The following LEKR1 variants were observed in gnomAD, a reference collection of about 807,000 sequenced individuals.
The protein encoded by LEKR1 is leucine, glutamate and lysine rich 1.
LEKR1 carries 59 observed loss-of-function variants against 72.4 expected under a neutral mutation model. The ratio of observed to expected loss-of-function variants is 0.82; its 90% CI spans 0.66 to 1.01. The LOEUF (loss-of-function observed/expected upper bound fraction) is 1.01, where lower values mean the gene tolerates loss of function less well. LEKR1 is among the 50% of genes least tolerant of loss of function. LEKR1 has a pLI of 0.00. For missense variants in LEKR1, 728 were observed against 759.2 expected, an observed-to-expected ratio of 0.96 and a Z score of 0.48; for synonymous variants, 257 against 263.2, an observed-to-expected ratio of 0.98 and a Z score of 0.23.
chr3:157,025,459 T>A (rs1158744551), intron 11 of LEKR1, among the ~76,000 whole-genome samples: 1 of 151,110 alleles, frequency 6.6e-6, no homozygotes, highest in Non-Finnish European at 1.5e-5. Flanking sequence ...AGTGTGTATG[T>A]GTGTGTGTGT....
chr3:156,971,398 C>A (rs1576922650), intron 6 of LEKR1, among the ~76,000 whole-genome samples: 1 of 152,156 alleles, frequency 6.6e-6, no homozygotes, highest in South Asian at 2.1e-4. Context: ...TAGAAGAAAA[C>A]CTAGGCAATA....
chr3:156,945,665 A>G (rs1232820736), intron 6 of LEKR1, among the ~76,000 whole-genome samples: 3 of 151,792 alleles, frequency 2.0e-5, no homozygotes, highest in Non-Finnish European at 4.4e-5. Flanking sequence ...ATTCATCTGC[A>G]TATGGATATC....
chr3:156,899,519 CATACAT>C (rs1721682022), intron 3 of LEKR1, among the ~76,000 whole-genome samples: 4 of 85,968 alleles, frequency 4.7e-5, no homozygotes, highest in Non-Finnish European at 6.6e-5. Flanking sequence ...TATATACATA[CATACAT>C]ATATACACAT....
intron 9 of LEKR1, among the ~76,000 whole-genome samples, chr3:157,009,631 T>C (rs1047341222): frequency 9.2e-5 from 14 of 152,108 alleles, no homozygotes; most frequent in African/African-American, 3.4e-4. Flanking sequence ...ATTGCTACAT[T>C]ACACAACTAT....
chr3:156,907,441 A>G (rs1305295682), intron 3 of LEKR1, among the ~76,000 whole-genome samples: 2 of 152,096 alleles, frequency 1.3e-5, no homozygotes, highest in African/African-American at 4.8e-5. Flanking sequence ...ACTATTCCAT[A>G]GGACCATAGG....
At chr3:156,829,203 T>TA in intron 1 of LEKR1, 83 bp from the exon 2 acceptor site, 2 of 597,654 alleles carry the variant, frequency 3.3e-6, no homozygotes, top group Non-Finnish European at 5.9e-6. Context: ...CATCCCCAAA[T>TA]ACTTCTAGGA....
At position 156,934,698 on chromosome 3, in the gene LEKR1, AG is replaced by A. The variant is rs377481287; in HGVS notation, c.559+7098del. Reference sequence around the variant, plus strand: ...TATAAAAACATAGAAAATACAGAAAAGGGGCAAAAAAAAGAAACATTGACAT... The same window carrying A: ...TATAAAAACATAGAAAATACAGAAAAGGGCAAAAAAAAGAAACATTGACAT... On this transcript the variant is annotated intron_variant, in intron 5 of 12. Transcript: ENST00000356539. Among the ~76,000 whole-genome samples the A allele has an allele frequency of 9.5e-4, 145 of 152,254 alleles. 1 individual carries two copies. In the East Asian group the frequency reaches 0.02, roughly 21 times the overall value.
At chr3:156,917,705 C>G (rs776982415) in intron 3 of LEKR1, among the ~76,000 whole-genome samples, 1 of 152,122 alleles carries the variant, frequency 6.6e-6, no homozygotes, top group Non-Finnish European at 1.5e-5. Context: ...TCCAGAGTCT[C>G]AAATTTACTG....
intron 10 of LEKR1, among the ~76,000 whole-genome samples, chr3:157,019,362 T>G (rs1398613298): frequency 1.3e-5 from 2 of 152,298 alleles, no homozygotes; most frequent in East Asian, 3.9e-4. Flanking sequence ...TATAAAGTAC[T>G]AATTATGCAT....
rs553327561 is a variant in LEKR1 at position 156,826,358 on chromosome 3, C to A, written c.-63C>A. On this transcript the variant is annotated 5_prime_UTR_variant, in exon 1 of 13. Transcript: ENST00000356539. ...GAGACCGGGAAAGCCGTTTCACACCCGTCCTAGTCGAAGTCGAGGTGAGGG... is the reference window on the plus strand; with the variant it reads ...GAGACCGGGAAAGCCGTTTCACACCAGTCCTAGTCGAAGTCGAGGTGAGGG... The A allele has an allele frequency of 6.5e-6, 1 of 152,792 alleles. No individual in the cohort carries two copies. The highest frequency in any genetic ancestry group is 1.5e-5 in the Non-Finnish European group (1 of 68,138). 9.5% of individuals were successfully genotyped at this position (152,792 alleles called of 1,614,324 possible).
intron 7 of LEKR1, among the ~76,000 whole-genome samples, chr3:156,984,878 T>C (rs1730541800): frequency 6.6e-6 from 1 of 152,034 alleles, no homozygotes; most frequent in South Asian, 2.1e-4. Context: ...AAGCTCTTAC[T>C]TGGCCTTTCA....
intron 3 of LEKR1, among the ~76,000 whole-genome samples, chr3:156,896,705 G>A (rs544102053): frequency 6.6e-6 from 1 of 152,172 alleles, no homozygotes. Context: ...TATACCCAAA[G>A]GAATATAAAT....
intron 6 of LEKR1, among the ~76,000 whole-genome samples, chr3:156,953,096 A>G (rs1727310967): frequency 6.6e-6 from 1 of 151,362 alleles, no homozygotes; most frequent in Non-Finnish European, 1.5e-5. Flanking sequence ...CAAGAAACTA[A>G]CTACAGTATT....
At chr3:156,883,097 A>T (rs1038374186) in intron 3 of LEKR1, among the ~76,000 whole-genome samples, 13 of 152,126 alleles carry the variant, frequency 8.5e-5, no homozygotes, top group Admixed American at 4.6e-4. Flanking sequence ...GCACATGTAT[A>T]CATATGTAAC....
intron 6 of LEKR1, among the ~76,000 whole-genome samples, chr3:156,960,836 A>G (rs1424475870): frequency 6.6e-6 from 1 of 152,206 alleles, no homozygotes; most frequent in African/African-American, 2.4e-5. Flanking sequence ...AAAAATTTGA[A>G]GACCAAATTT....
At chr3:156,985,469 A>G (rs1730592056) in intron 7 of LEKR1, among the ~76,000 whole-genome samples, 1 of 152,184 alleles carries the variant, frequency 6.6e-6, no homozygotes, top group Non-Finnish European at 1.5e-5. Flanking sequence ...CGGCTCCCCA[A>G]AGAGTTTCAT....
intron 3 of LEKR1, among the ~76,000 whole-genome samples, chr3:156,910,630 G>A (rs1295455307): frequency 1.3e-5 from 2 of 152,100 alleles, no homozygotes; most frequent in East Asian, 3.8e-4. Context: ...AAATGATAAT[G>A]GACTCCAGCT....
chr3:156,969,607 C>A (rs1184599174), intron 6 of LEKR1, among the ~76,000 whole-genome samples: 1 of 152,060 alleles, frequency 6.6e-6, no homozygotes, highest in Non-Finnish European at 1.5e-5. Flanking sequence ...CAATAACAGG[C>A]TCTGAAATTG....
intron 12 of LEKR1, among the ~76,000 whole-genome samples, chr3:157,042,536 G>C (rs1023884248): frequency 2.0e-5 from 3 of 152,118 alleles, no homozygotes; most frequent in Non-Finnish European, 2.9e-5. Context: ...GACATCTTTT[G>C]GCTCACTCTA....
Sources: gnomAD v4.1 joint callset for allele counts (sites outside exome capture counted in the v4.1 genomes callset) on GRCh38, gnomAD v4.1.1 for gene constraint, MANE v1.5 for transcripts, NCBI Gene and HGNC (gene_info 2026-07-23, HGNC 2026-07-21) for gene names.